PTPRO: variants seen among roughly 807,000 people sequenced by gnomAD.
PTPRO encodes the protein protein tyrosine phosphatase receptor type O.
Under a neutral mutation model 145.2 loss-of-function variants are expected in PTPRO, and 62 were observed. That is an observed-to-expected ratio of 0.43 (90% CI 0.35 to 0.53). PTPRO has a LOEUF of 0.53. PTPRO is among the 20% of genes least tolerant of loss of function. PTPRO has a pLI of 0.01. For synonymous variants in PTPRO, 565 were observed against 514.7 expected (o/e 1.10, Z -1.32); for missense variants, 1,345 against 1,482.7 (o/e 0.91, Z 1.53).
chr12:15,458,283 T>C (rs1296553559), intron 1 of PTPRO, among the ~76,000 whole-genome samples: 1 of 152,162 alleles, frequency 6.6e-6, no homozygotes, highest in Non-Finnish European at 1.5e-5. Context: ...GCTTTCAAAA[T>C]TCTATTTATC....
At chr12:15,437,223 G>A (rs1181969105) in intron 1 of PTPRO, among the ~76,000 whole-genome samples, 1 of 151,310 alleles carries the variant, frequency 6.6e-6, no homozygotes, top group Non-Finnish European at 1.5e-5. Context: ...GCAAAGACTG[G>A]TACAGAGGGA....
At chr12:15,375,183 A>G (rs778091898) in intron 1 of PTPRO, among the ~76,000 whole-genome samples, 125 of 152,316 alleles carry the variant, frequency 8.2e-4, no homozygotes, top group Non-Finnish European at 1.6e-3. Flanking sequence ...CAACAATAAC[A>G]AAAATCAACA....
rs1465803336 is a variant in PTPRO at position 15,323,874 on chromosome 12, A to G, written c.75+1073A>G. Among the ~76,000 whole-genome samples the G allele has an allele frequency of 2.6e-5, 4 of 152,210 alleles. No homozygotes were observed. In the East Asian group the frequency reaches 7.7e-4, roughly 29 times the overall value. On this transcript the variant is annotated intron_variant, in intron 1 of 26. Transcript: ENST00000281171. ...CCTAAAAAGAATATAATGGAACAGG[A>G]CCAATGGATTAAGAACAGCATTACT...
At chr12:15,327,911 C>A (rs369730637) in intron 1 of PTPRO, among the ~76,000 whole-genome samples, 2 of 151,942 alleles carry the variant, frequency 1.3e-5, no homozygotes, top group Non-Finnish European at 2.9e-5. Flanking sequence ...GTCAGGAATT[C>A]GATACCAGCC....
Position 15,516,837 on chromosome 12 carries a change from T to G in PTPRO, c.1660T>G (p.Tyr554Asp), listed in dbSNP as rs778998222. 1.2e-5 allele frequency: 20 copies of G among 1,612,188 alleles called. No individual in the cohort carries two copies. Among genetic ancestry groups the G allele is most frequent in the Non-Finnish European group, 1.6e-5 (19 of 1,178,286 alleles). The stretch of plus-strand genomic sequence containing the variant: ...CGTGGTTCTGAGCTGGACCAGACCT[T>G]ATTTAGGCGTGTTCAGAAAATACGT... The part of the protein sequence containing the change: ...TAVVLSWTRP[Y>D]LGVFRKYVVE... Residue 554 changes from tyrosine (Y) to aspartate (D), a missense_variant, in exon 9 of 27, where the codon TAT (tyrosine) becomes GAT (aspartate). By Grantham distance (160) the Tyr-to-Asp change is radical. Coordinates refer to ENST00000281171, the MANE Select transcript of PTPRO (RefSeq NM_030667.3).
At chr12:15,428,627 G>A (rs552236820) in intron 1 of PTPRO, among the ~76,000 whole-genome samples, 2 of 152,164 alleles carry the variant, frequency 1.3e-5, no homozygotes, top group East Asian at 3.9e-4. Context: ...TTAGATTTAG[G>A]TTTAACTTAA....
chr12:15,346,716 A>G (rs901868106), intron 1 of PTPRO: 1 of 152,238 alleles, frequency 6.6e-6, no homozygotes, highest in Non-Finnish European at 1.5e-5. Flanking sequence ...TGTCATGAGG[A>G]TAGGGAGACC....
In PTPRO at chr12:15,580,171, G is replaced by T. The variant is rs1368858884; in HGVS notation, c.2997+56G>T. 2.2e-6 allele frequency: 3 copies of T among 1,362,834 alleles called. No homozygotes were observed. In the Admixed American group the frequency reaches 5.1e-5, roughly 23 times the overall value. The allele number at this position is 1,362,834 out of a possible 1,614,324, so 84.4% of individuals were successfully genotyped here. ...AAGCTAACCAGCCAGAGAAAGACTA[G>T]CAGGGCTATATGGATGTGTCAAACA... On this transcript the variant is annotated intron_variant, in intron 21 of 26. Transcript: ENST00000281171.
intron 17 of PTPRO, among the ~76,000 whole-genome samples, chr12:15,564,060 A>G (rs894758390): frequency 1.3e-5 from 2 of 152,184 alleles, no homozygotes; most frequent in Non-Finnish European, 2.9e-5. Context: ...GTCCAACATG[A>G]TAGTGTTTTT....
rs144038644 is a variant in PTPRO, at chr12:15,400,959, C to T, written c.75+78158C>T. On this transcript the variant is annotated intron_variant, in intron 1 of 26. Coordinates refer to ENST00000281171, the MANE Select transcript of PTPRO (RefSeq NM_030667.3). ...AATAGCTTGGGTAATGATAGGGAAA[C>T]AAAGAATCTTAACATTTTAGTGGCT... Among the ~76,000 whole-genome samples the T allele has an allele frequency of 5.3e-5, 8 of 152,256 alleles. No homozygotes were observed. In the East Asian group the frequency reaches 1.3e-3, roughly 26 times the overall value.
Position 15,322,553 on chromosome 12 carries a change from G to A in PTPRO, c.-174G>A. On this transcript the variant is annotated 5_prime_UTR_variant, in exon 1 of 27. Transcript: ENST00000281171. This position sits in a 1 kb window ranked among gnomAD's most constrained non-coding sequence, Gnocchi z 6.3. ...GCCTGGCACGTTCTTGGAGGACCCC[G>A]GGCGCAGAGGAGGAAAGGGAGCAGG... 4.4e-6 allele frequency: 3 copies of A among 674,346 alleles called. No individual in the cohort carries two copies. The highest frequency in any genetic ancestry group is 8.1e-6 in the Non-Finnish European group (3 of 369,884). The allele number at this position is 674,346 out of a possible 1,614,324, so 41.8% of individuals were successfully genotyped here. A position where few individuals can be genotyped will look rare whatever the true frequency, so the allele number is the denominator to read the frequency against.
chr12:15,425,756 T>A (rs952011365), intron 1 of PTPRO, among the ~76,000 whole-genome samples: 5 of 151,976 alleles, frequency 3.3e-5, no homozygotes, highest in Non-Finnish European at 5.9e-5. Context: ...GTAACTTTTT[T>A]ATTATATTTC....
chr12:15,465,202 A>T (rs1260231306), intron 1 of PTPRO, among the ~76,000 whole-genome samples: 2 of 152,232 alleles, frequency 1.3e-5, no homozygotes, highest in African/African-American at 4.8e-5. Flanking sequence ...AGCTTCATTT[A>T]TAAAACATAA....
At chr12:15,560,043 T>C in intron 16 of PTPRO, 150 bp from the exon 17 acceptor site, 1 of 688,270 alleles carries the variant, frequency 1.5e-6, no homozygotes, top group South Asian at 1.7e-5. Context: ...CATTTATATT[T>C]CACAGAATGG....
intron 1 of PTPRO, among the ~76,000 whole-genome samples, chr12:15,402,668 TAATC>T (rs916353583): frequency 3.9e-5 from 6 of 152,158 alleles, no homozygotes; most frequent in Admixed American, 2.0e-4. Flanking sequence ...AAATTCTACA[TAATC>T]AGGGTGACAA....
chr12:15,478,686 C>A (rs1420583337), intron 1 of PTPRO, among the ~76,000 whole-genome samples: 1 of 151,278 alleles, frequency 6.6e-6, no homozygotes, highest in Non-Finnish European at 1.5e-5. Context: ...TTTTTTTTTT[C>A]TTTGAGACAG....
intron 12 of PTPRO, among the ~76,000 whole-genome samples, chr12:15,542,193 C>A (rs1943194652): frequency 6.6e-6 from 1 of 152,116 alleles, no homozygotes; most frequent in Non-Finnish European, 1.5e-5. Flanking sequence ...CTACTTTAAT[C>A]TTGTGCTTCT....
intron 23 of PTPRO, 59 bp from the exon 24 acceptor site, chr12:15,586,838 G>C (rs1944439376): frequency 6.3e-7 from 1 of 1,597,754 alleles, no homozygotes; most frequent in Admixed American, 1.7e-5. Flanking sequence ...GCAGAGTCCT[G>C]GGTCATCCTA....
rs552897715 is a variant in PTPRO, at chr12:15,433,213, C to T, written c.76-50761C>T. ...TTTCTGAGGTGGAGTCTCACTCTGT[C>T]GCCCAGGCTGGAGTGCAGTGGTGCC... On this transcript the variant is annotated intron_variant, in intron 1 of 26. Transcript: ENST00000281171. 1.6e-3 allele frequency among the ~76,000 whole-genome samples: 236 copies of T among 146,522 alleles called. 1 individual carries two copies. Among genetic ancestry groups the T allele is most frequent in the Non-Finnish European group, 2.7e-3 (179 of 67,166 alleles).
Sources: gnomAD v4.1 joint callset for allele counts (sites outside exome capture counted in the v4.1 genomes callset) on GRCh38, gnomAD v4.1.1 for gene constraint, Gnocchi (gnomAD v3.1) non-coding constraint, MANE v1.5 for transcripts, NCBI Gene and HGNC (gene_info 2026-07-23, HGNC 2026-07-21) for gene names.